The following SIPA1L3 variants were observed in gnomAD, a reference collection of about 807,000 sequenced individuals.
SIPA1L3 encodes the protein signal induced proliferation associated 1 like 3.
In SIPA1L3, 59 loss-of-function variants were observed where a neutral mutation model predicts 150.1. The ratio of observed to expected loss-of-function variants is 0.39; its 90% CI spans 0.32 to 0.49. The LOEUF (loss-of-function observed/expected upper bound fraction) is 0.49. Ranked by LOEUF, SIPA1L3 falls within the 20% of genes least tolerant of loss-of-function variation. The pLI, the probability that SIPA1L3 is intolerant of heterozygous loss-of-function variation, is 0.86. For synonymous variants in SIPA1L3, 1,070 were observed against 1,077.6 expected, an observed-to-expected ratio of 0.99 and a Z score of 0.14; for missense variants, 2,211 against 2,489.5, an observed-to-expected ratio of 0.89 and a Z score of 2.38.
intron 1 of SIPA1L3, among the ~76,000 whole-genome samples, chr19:37,985,676 G>T (rs1160771558): frequency 6.6e-6 from 1 of 152,212 alleles, no homozygotes; most frequent in African/African-American, 2.4e-5. Flanking sequence ...GTGAGAATGT[G>T]TTGGGAGGGA....
intron 2 of SIPA1L3, among the ~76,000 whole-genome samples, chr19:38,033,034 G>A (rs931615774): frequency 3.3e-5 from 5 of 152,148 alleles, no homozygotes; most frequent in African/African-American, 7.2e-5. Context: ...GGAGTGAGGC[G>A]GTCCCCAGCC....
intron 1 of SIPA1L3, among the ~76,000 whole-genome samples, chr19:37,941,524 C>T (rs532888220): frequency 3.5e-4 from 53 of 151,148 alleles, no homozygotes; most frequent in Non-Finnish European, 2.4e-4. Flanking sequence ...TGACATTTGC[C>T]GGTCTCCACC....
At chr19:38,111,662 C>T (rs987648812) in intron 8 of SIPA1L3, among the ~76,000 whole-genome samples, 5 of 152,208 alleles carry the variant, frequency 3.3e-5, no homozygotes, top group Non-Finnish European at 7.3e-5. Context: ...TGTCTAGCAC[C>T]TCTGTGCTGC....
chr19:38,067,771 AAAAG>A (rs1198471953), intron 2 of SIPA1L3, among the ~76,000 whole-genome samples: 11 of 150,138 alleles, frequency 7.3e-5, no homozygotes, highest in East Asian at 1.9e-4. Flanking sequence ...GAAAAAAAAA[AAAAG>A]AAAGAAAGAA....
chr19:37,908,691 T>G (rs2046355630), intron 1 of SIPA1L3, among the ~76,000 whole-genome samples: 1 of 152,162 alleles, frequency 6.6e-6, no homozygotes, highest in Admixed American at 6.5e-5. Context: ...TAGTGTTTTT[T>G]TATCTTCCCC....
chr19:38,138,193 A>G (rs372775020), intron 10 of SIPA1L3, among the ~76,000 whole-genome samples: 11 of 152,102 alleles, frequency 7.2e-5, no homozygotes, highest in Non-Finnish European at 1.5e-4. Context: ...AAATCTACCC[A>G]CTGGCTCCCA....
chr19:38,003,039 G>A lies in SIPA1L3; in HGVS notation c.-378-26050G>A, dbSNP rs180859221. On this transcript the variant is annotated intron_variant, in intron 1 of 21. Transcript: ENST00000222345. Reference sequence around the variant, plus strand: ...CATGCTGCTGTAGTCTCAGCTACTCGGGAAGCTGAGGCATGAGAATGGCTT... The same window carrying A: ...CATGCTGCTGTAGTCTCAGCTACTCAGGAAGCTGAGGCATGAGAATGGCTT... 4.7e-4 allele frequency among the ~76,000 whole-genome samples: 71 copies of A among 152,128 alleles called. 2 individuals are homozygous for A. In the East Asian group the frequency reaches 8.9e-3, roughly 19 times the overall value.
At chr19:38,108,627 C>G (rs763014351) in intron 7 of SIPA1L3, 22 of 152,232 alleles carry the variant, frequency 1.4e-4, no homozygotes, top group Non-Finnish European at 3.2e-4. Flanking sequence ...CGTGGGACTC[C>G]CGTCCATGGA....
Position 38,033,033 on chromosome 19 carries a change from C to T in SIPA1L3, c.-311+3877C>T, listed in dbSNP as rs141081678. 4.1e-3 allele frequency among the ~76,000 whole-genome samples: 625 copies of T among 152,278 alleles called. 3 individuals carry two copies. The highest frequency in any genetic ancestry group is 0.014 in the African/African-American group (567 of 41,554). ...GCCCTGAATAGAGGAGGGAGTGAGG[C>T]GGTCCCCAGCCTAATTCATCCACAG... On this transcript the variant is annotated intron_variant, in intron 2 of 21. Transcript: ENST00000222345.
At chr19:38,114,939 G>A (rs1600090850) in intron 8 of SIPA1L3, among the ~76,000 whole-genome samples, 3 of 152,332 alleles carry the variant, frequency 2.0e-5, no homozygotes, top group Middle Eastern at 3.4e-3. Context: ...AGTGGTCTCC[G>A]CAGATTGCCA....
At chr19:38,045,248 G>A (rs1421626783) in intron 2 of SIPA1L3, among the ~76,000 whole-genome samples, 6 of 152,022 alleles carry the variant, frequency 3.9e-5, no homozygotes, top group East Asian at 1.9e-4. Flanking sequence ...GTGGTGATGC[G>A]TGCCTGTAAT....
intron 1 of SIPA1L3, among the ~76,000 whole-genome samples, chr19:37,908,821 C>T (rs4803551): frequency 0.38 from 57,600 of 151,920 alleles, 13,758 homozygotes; most frequent in East Asian, 0.7. Context: ...CCCCTCCCCA[C>T]AGAGCCAGTA....
intron 2 of SIPA1L3, among the ~76,000 whole-genome samples, chr19:38,071,073 C>T (rs1264039586): frequency 6.6e-6 from 1 of 152,130 alleles, no homozygotes; most frequent in East Asian, 1.9e-4. Context: ...GTGCTGCTTC[C>T]CAGGGAAGGG....
At chr19:37,927,833 A>G (rs946847082) in intron 1 of SIPA1L3, among the ~76,000 whole-genome samples, 2 of 152,038 alleles carry the variant, frequency 1.3e-5, no homozygotes, top group African/African-American at 4.8e-5. Context: ...CACTTAGGAT[A>G]ATGGCCTCCA....
chr19:38,205,197 G>A (rs976303607), intron 21 of SIPA1L3, among the ~76,000 whole-genome samples: 2 of 152,106 alleles, frequency 1.3e-5, no homozygotes, highest in Non-Finnish European at 2.9e-5. Flanking sequence ...GGCTGGGTAC[G>A]TTGGCTCACA....
intron 19 of SIPA1L3, chr19:38,199,831 C>G (rs1973046161): frequency 6.8e-6 from 1 of 146,010 alleles, no homozygotes; most frequent in Non-Finnish European, 1.5e-5. Flanking sequence ...TAGATGTGTT[C>G]ATAGCATAGT....
intron 15 of SIPA1L3, among the ~76,000 whole-genome samples, chr19:38,172,985 C>G (rs538586286): frequency 7.9e-5 from 12 of 151,816 alleles, no homozygotes; most frequent in Non-Finnish European, 5.9e-5. Context: ...GCATGTTGTC[C>G]CAGCTACTTG....
chr19:38,076,071 C>T (rs1346002156), intron 2 of SIPA1L3, among the ~76,000 whole-genome samples: 2 of 151,640 alleles, frequency 1.3e-5, no homozygotes, highest in Non-Finnish European at 2.9e-5. Flanking sequence ...ACCTGGGAGG[C>T]GGAGATTGCA....
At chr19:37,999,006 C>A (rs1289134202) in intron 1 of SIPA1L3, among the ~76,000 whole-genome samples, 3 of 151,636 alleles carry the variant, frequency 2.0e-5, no homozygotes, top group Admixed American at 2.0e-4. Flanking sequence ...CACACACACA[C>A]ACACACCCAC....
Sources: gnomAD v4.1 joint callset for allele counts (sites outside exome capture counted in the v4.1 genomes callset) on GRCh38, gnomAD v4.1.1 for gene constraint, MANE v1.5 for transcripts, NCBI Gene and HGNC (gene_info 2026-07-23, HGNC 2026-07-21) for gene names.